Variants in TAFA2 observed in about 807,000 individuals in gnomAD.
TAFA2 encodes the protein TAFA chemokine like family member 2.
In TAFA2, 7 loss-of-function variants were observed where a neutral mutation model predicts 18.8. That is an observed-to-expected ratio of 0.37 (90% CI 0.21 to 0.70). The LOEUF (loss-of-function observed/expected upper bound fraction) is 0.70, where lower values mean the gene tolerates loss of function less well. Ranked by LOEUF, TAFA2 falls within the 30% of genes least tolerant of loss-of-function variation. TAFA2 has a pLI of 0.53. For synonymous variants in TAFA2, 60 were observed against 54.2 expected (o/e 1.11, Z -0.47); for missense variants, 122 against 158.1 (o/e 0.77, Z 1.23).
intron 2 of TAFA2, among the ~76,000 whole-genome samples, chr12:61,774,690 G>A (rs1870179736): frequency 6.6e-6 from 1 of 150,982 alleles, no homozygotes; most frequent in South Asian, 2.1e-4. Flanking sequence ...GGATGGTGAG[G>A]GATAAATGAT....
intron 2 of TAFA2, among the ~76,000 whole-genome samples, chr12:61,841,176 G>A (rs1283962024): frequency 1.3e-5 from 2 of 152,040 alleles, no homozygotes; most frequent in Admixed American, 1.3e-4. Context: ...CATGGACAAT[G>A]TGCAATCACA....
intron 1 of TAFA2, chr12:62,255,023 A>C (rs964238095): frequency 2.6e-5 from 4 of 152,326 alleles, no homozygotes; most frequent in Middle Eastern, 3.4e-3. Flanking sequence ...GGTAGTATAG[A>C]TTTCCAAGAT....
chr12:61,852,444 A>G (rs1438961693), intron 2 of TAFA2, among the ~76,000 whole-genome samples: 1 of 152,172 alleles, frequency 6.6e-6, no homozygotes, highest in Non-Finnish European at 1.5e-5. Flanking sequence ...AACCTTCAGA[A>G]TTAAACAGCA....
intron 2 of TAFA2, among the ~76,000 whole-genome samples, chr12:61,788,062 C>G (rs895504897): frequency 1.3e-5 from 2 of 151,370 alleles, no homozygotes; most frequent in Non-Finnish European, 3.0e-5. Context: ...ATAGTTGCAG[C>G]AGATAAAATA....
At position 61,879,587 on chromosome 12, in the gene TAFA2, C is replaced by A. The variant is rs941654877; in HGVS notation, c.-1-12161G>T. ...CCCAACATCCAGGCCAGGTTCTGCA[C>A]ACCCAGGAGAAGGAGCAGATCAAGA... On this transcript the variant is annotated intron_variant, in intron 1 of 4. Transcript: ENST00000416284. 5 of 761,316 alleles carry A rather than the reference C, an allele frequency of 6.6e-6. No individual in the cohort carries two copies. The East Asian group carries it at 9.7e-5, about 15-fold the overall frequency. The allele number at this position is 761,316 out of a possible 1,614,324, so 47.2% of individuals were successfully genotyped here. A position where few individuals can be genotyped will look rare whatever the true frequency, so the allele number is the denominator to read the frequency against.
intron 1 of TAFA2, among the ~76,000 whole-genome samples, chr12:62,172,997 T>C (rs934059685): frequency 1.8e-4 from 27 of 152,138 alleles, no homozygotes; most frequent in Admixed American, 1.3e-3. Flanking sequence ...TAGGCTTGGG[T>C]CTTTGTGAGG....
At chr12:62,050,600 A>C (rs1018204997) in intron 1 of TAFA2, among the ~76,000 whole-genome samples, 6 of 152,106 alleles carry the variant, frequency 3.9e-5, no homozygotes, top group Non-Finnish European at 7.4e-5. Context: ...TACAAACTTT[A>C]CACAGCTCCA....
intron 1 of TAFA2, among the ~76,000 whole-genome samples, chr12:62,111,601 A>G (rs1426082520): frequency 1.9e-4 from 29 of 152,274 alleles, no homozygotes; most frequent in Middle Eastern, 3.4e-3. Flanking sequence ...AAAATCTCCC[A>G]CTATTATTGT....
chr12:62,245,793 G>T (rs1386210976), intron 1 of TAFA2, among the ~76,000 whole-genome samples: 1 of 148,080 alleles, frequency 6.8e-6, no homozygotes. Context: ...CAAAAGATCA[G>T]ATTTGGGGTT....
chr12:61,936,845 G>A (rs751927008), intron 1 of TAFA2, among the ~76,000 whole-genome samples: 13 of 151,718 alleles, frequency 8.6e-5, no homozygotes, highest in Non-Finnish European at 1.8e-4. Context: ...AGAAATGAAG[G>A]GCATCCAAAT....
chr12:62,165,945 A>T (rs530134944), intron 1 of TAFA2, among the ~76,000 whole-genome samples: 3,934 of 146,674 alleles, frequency 0.027, 141 homozygotes, highest in African/African-American at 0.085. Flanking sequence ...TCTCTCACAC[A>T]CACACACACA....
intron 2 of TAFA2, among the ~76,000 whole-genome samples, chr12:61,833,414 C>T (rs1872793108): frequency 1.3e-5 from 2 of 151,930 alleles, no homozygotes; most frequent in South Asian, 4.1e-4. Context: ...TAGCCCCAAA[C>T]TATCTTTATG....
chr12:62,004,589 TG>T (rs1565712534), intron 1 of TAFA2, among the ~76,000 whole-genome samples: 1 of 152,080 alleles, frequency 6.6e-6, no homozygotes, highest in African/African-American at 2.4e-5. Flanking sequence ...CCAAGTTTGA[TG>T]GGGAATGTGA....
chr12:61,909,191 C>A (rs957572323), intron 1 of TAFA2, among the ~76,000 whole-genome samples: 3 of 152,190 alleles, frequency 2.0e-5, no homozygotes, highest in African/African-American at 7.2e-5. Flanking sequence ...GAAGTCACAA[C>A]ATTTTCAAGG....
intron 1 of TAFA2, among the ~76,000 whole-genome samples, chr12:62,007,439 A>G (rs888495764): frequency 3.9e-5 from 6 of 152,154 alleles, no homozygotes; most frequent in African/African-American, 1.4e-4. Context: ...GACTTAACTT[A>G]TGTGGTTCAC....
At chr12:61,818,438 A>G (rs1293332618) in intron 2 of TAFA2, among the ~76,000 whole-genome samples, 1 of 151,924 alleles carries the variant, frequency 6.6e-6, no homozygotes, top group African/African-American at 2.4e-5. Flanking sequence ...TTTGTTAAAT[A>G]CTGAGATTCC....
At chr12:61,925,825 G>A (rs1877265066) in intron 1 of TAFA2, among the ~76,000 whole-genome samples, 1 of 152,148 alleles carries the variant, frequency 6.6e-6, no homozygotes, top group African/African-American at 2.4e-5. Flanking sequence ...TCAAAAGCTA[G>A]CAGAAGACAA....
At chr12:61,768,037 T>C (rs1869863577) in intron 2 of TAFA2, among the ~76,000 whole-genome samples, 1 of 152,120 alleles carries the variant, frequency 6.6e-6, no homozygotes, top group South Asian at 2.1e-4. Context: ...TGCTTTCATT[T>C]GTATTTCACT....
At chr12:61,907,244 A>C (rs1380977219) in intron 1 of TAFA2, among the ~76,000 whole-genome samples, 1 of 152,174 alleles carries the variant, frequency 6.6e-6, no homozygotes, top group African/African-American at 2.4e-5. Context: ...ACAGGACTGG[A>C]GGCCTGGGAG....
Sources: allele counts gnomAD v4.1 joint callset (sites outside exome capture counted in the v4.1 genomes callset), GRCh38; gene constraint gnomAD v4.1.1; transcripts MANE v1.5; gene names NCBI Gene and HGNC (gene_info 2026-07-23, HGNC 2026-07-21).